The following FAM171A1 variants were observed in gnomAD, a reference collection of about 807,000 sequenced individuals.
The protein encoded by FAM171A1 is protein FAM171A1.
A neutral mutation model predicts 74.9 loss-of-function variants in FAM171A1; 23 were observed. The ratio of observed to expected loss-of-function variants is 0.31; its 90% CI spans 0.22 to 0.44. The LOEUF (loss-of-function observed/expected upper bound fraction) is 0.44. Among genes scored for constraint, FAM171A1 ranks in the 20% least tolerant of loss-of-function variants. FAM171A1 has a pLI of 1.00. For missense variants in FAM171A1, 1,162 were observed against 1,159.2 expected, an observed-to-expected ratio of 1.00 and a Z score of -0.03; for synonymous variants, 527 against 505.7, an observed-to-expected ratio of 1.04 and a Z score of -0.57.
At chr10:15,218,763 T>TA (rs1472133801) in intron 6 of FAM171A1, among the ~76,000 whole-genome samples, 3 of 152,074 alleles carry the variant, frequency 2.0e-5, no homozygotes, top group East Asian at 3.9e-4. Context: ...ACTGGCTAAT[T>TA]AAAAAAAATT....
intron 1 of FAM171A1, among the ~76,000 whole-genome samples, chr10:15,325,258 G>C (rs1182953600): frequency 1.3e-5 from 2 of 152,196 alleles, no homozygotes; most frequent in Admixed American, 1.3e-4. Flanking sequence ...CACTTTGGCA[G>C]GCCGAGGTGG....
intron 5 of FAM171A1, among the ~76,000 whole-genome samples, chr10:15,223,585 T>A (rs551183730): frequency 8.5e-4 from 129 of 152,280 alleles, no homozygotes; most frequent in African/African-American, 3.0e-3. Flanking sequence ...CGATAACCAA[T>A]TGAAACAGAC....
chr10:15,352,941 A>G (rs1351958545), intron 1 of FAM171A1, among the ~76,000 whole-genome samples: 6 of 152,218 alleles, frequency 3.9e-5, no homozygotes, highest in Non-Finnish European at 7.3e-5. Flanking sequence ...GGGAGGAGAC[A>G]CTTAATTTTG....
intron 1 of FAM171A1, among the ~76,000 whole-genome samples, chr10:15,303,777 C>G (rs1418856514): frequency 6.6e-6 from 1 of 152,200 alleles, no homozygotes; most frequent in Non-Finnish European, 1.5e-5. Context: ...TCACTTGGCT[C>G]AGACCAAGAA....
intron 2 of FAM171A1, among the ~76,000 whole-genome samples, chr10:15,277,154 G>A (rs536350349): frequency 2.2e-4 from 33 of 152,218 alleles, no homozygotes; most frequent in African/African-American, 7.9e-4. Context: ...AGGACAAACA[G>A]TATTCTAAGT....
In FAM171A1 at chr10:15,212,740, A is replaced by G. The variant is rs1833906239; in HGVS notation, c.*175T>C. ...TCCGCCAAAGTCATCCTTTATTCCG[A>G]GTAATAACTTTAATTCCTTTCTAAC... On this transcript the variant is annotated 3_prime_UTR_variant, in exon 8 of 8. Coordinates refer to ENST00000378116, the MANE Select transcript of FAM171A1 (RefSeq NM_001010924.2). 3 of 909,402 alleles carry G rather than the reference A, an allele frequency of 3.3e-6. No individual in the cohort carries two copies. The highest frequency in any genetic ancestry group is 4.9e-6 in the Non-Finnish European group (3 of 613,204). The allele number at this position is 909,402 out of a possible 1,614,324, so 56.3% of individuals were successfully genotyped here. A position where few individuals can be genotyped will look rare whatever the true frequency, so the allele number is the denominator to read the frequency against.
intron 7 of FAM171A1, among the ~76,000 whole-genome samples, chr10:15,214,900 G>T (rs1019987105): frequency 6.6e-6 from 1 of 151,676 alleles, no homozygotes; most frequent in African/African-American, 2.4e-5. Flanking sequence ...AGCTGGCACC[G>T]CAGGCACATG....
At chr10:15,372,005 C>T (rs983082458), upstream of FAM171A1, among the ~76,000 whole-genome samples, 4 of 152,060 alleles carry the variant, frequency 2.6e-5, no homozygotes, top group Admixed American at 2.6e-4. Flanking sequence ...GAGGAAACAT[C>T]AGGGGGAAGG....
At chr10:15,223,649 A>T (rs1834068476) in intron 5 of FAM171A1, among the ~76,000 whole-genome samples, 1 of 152,200 alleles carries the variant, frequency 6.6e-6, no homozygotes, top group African/African-American at 2.4e-5. Flanking sequence ...CTGTAATCCC[A>T]GCACTTTGGG....
intron 1 of FAM171A1, among the ~76,000 whole-genome samples, chr10:15,303,943 C>G (rs754460186): frequency 6.6e-6 from 1 of 152,194 alleles, no homozygotes; most frequent in South Asian, 2.1e-4. Context: ...CCTCCTTGTG[C>G]GGGAGCCACA....
chr10:15,259,799 T>A lies in FAM171A1; in HGVS notation c.419-4920A>T, dbSNP rs531056879. On this transcript the variant is annotated intron_variant, in intron 3 of 7. Transcript: ENST00000378116. Reference sequence around the variant, plus strand: ...TTCTCATCCTCTGGCCAAATAGGACTGCATGACTAAGTCTGATTGTTTCTT... The same window carrying A: ...TTCTCATCCTCTGGCCAAATAGGACAGCATGACTAAGTCTGATTGTTTCTT... 2.6e-5 allele frequency among the ~76,000 whole-genome samples: 4 copies of A among 152,030 alleles called. No individual in the cohort carries two copies. The South Asian group carries it at 8.3e-4, about 32-fold the overall frequency.
chr10:15,278,904 G>A (rs1016486426), intron 2 of FAM171A1, among the ~76,000 whole-genome samples: 24 of 152,122 alleles, frequency 1.6e-4, no homozygotes, highest in Non-Finnish European at 5.9e-5. Context: ...TTCACCTAAG[G>A]CACAGGGCAC....
At chr10:15,282,258 T>C (rs1374786757) in intron 2 of FAM171A1, among the ~76,000 whole-genome samples, 1 of 152,116 alleles carries the variant, frequency 6.6e-6, no homozygotes, top group East Asian at 1.9e-4. Context: ...CCTAGTGTAG[T>C]GCTGTCTAAT....
At chr10:15,341,250 T>C (rs1835760938) in intron 1 of FAM171A1, among the ~76,000 whole-genome samples, 1 of 152,204 alleles carries the variant, frequency 6.6e-6, no homozygotes. Context: ...CCATTTTTAG[T>C]AACAAAACAC....
chr10:15,323,517 G>T (rs1041253459), intron 1 of FAM171A1, among the ~76,000 whole-genome samples: 1 of 151,990 alleles, frequency 6.6e-6, no homozygotes, highest in African/African-American at 2.4e-5. Context: ...TTTTAAGATG[G>T]CAATGGTATC....
chr10:15,278,118 T>A (rs1029495958), intron 2 of FAM171A1, among the ~76,000 whole-genome samples: 2 of 152,090 alleles, frequency 1.3e-5, no homozygotes, highest in Admixed American at 1.3e-4. Flanking sequence ...TGACCTCTTT[T>A]CACTCAGCCT....
At chr10:15,282,475 A>C (rs1239923477) in intron 2 of FAM171A1, among the ~76,000 whole-genome samples, 2 of 152,182 alleles carry the variant, frequency 1.3e-5, no homozygotes, top group East Asian at 3.9e-4. Context: ...AAATGTTGTG[A>C]CCAGAGGCTT....
At chr10:15,304,633 GC>G (rs1835272135) in intron 1 of FAM171A1, among the ~76,000 whole-genome samples, 4 of 152,090 alleles carry the variant, frequency 2.6e-5, no homozygotes, top group African/African-American at 9.7e-5. Context: ...CTCCTGGCTG[GC>G]CCTGGTGTTT....
chr10:15,219,353 T>C (rs982655576), intron 6 of FAM171A1, among the ~76,000 whole-genome samples: 8 of 152,152 alleles, frequency 5.3e-5, no homozygotes, highest in Non-Finnish European at 1.0e-4. Flanking sequence ...ACTGATCTAC[T>C]GCATGATGGG....
Sources: gnomAD v4.1 joint callset for allele counts (sites outside exome capture counted in the v4.1 genomes callset) on GRCh38, gnomAD v4.1.1 for gene constraint, MANE v1.5 for transcripts, NCBI Gene and HGNC (gene_info 2026-07-23, HGNC 2026-07-21) for gene names.